ADAMTS2: variants seen among roughly 807,000 people sequenced by gnomAD.
The protein encoded by ADAMTS2 is ADAM metallopeptidase with thrombospondin type 1 motif 2.
ADAMTS2 carries 50 observed loss-of-function variants against 123.0 expected under a neutral mutation model. The observed-to-expected ratio is 0.41, with a 90% CI of 0.32 to 0.51. The LOEUF (loss-of-function observed/expected upper bound fraction) is 0.51, where lower values mean the gene tolerates loss of function less well. Ranked by LOEUF, ADAMTS2 falls within the 20% of genes least tolerant of loss-of-function variation. ADAMTS2 has a pLI of 0.35. For synonymous variants in ADAMTS2, 678 were observed against 695.4 expected (o/e 0.98, Z 0.39); for missense variants, 1,494 against 1,705.2 (o/e 0.88, Z 2.18).
chr5:179,192,673 G>C (rs532492155), intron 4 of ADAMTS2, among the ~76,000 whole-genome samples: 18 of 152,328 alleles, frequency 1.2e-4, no homozygotes, highest in Admixed American at 9.1e-4. Context: ...GGTCTTGCAG[G>C]CTGCAGCCAG....
intron 5 of ADAMTS2, among the ~76,000 whole-genome samples, chr5:179,166,042 T>C (rs1293332828): frequency 6.6e-6 from 1 of 152,140 alleles, no homozygotes; most frequent in African/African-American, 2.4e-5. Flanking sequence ...ACTGCAGACA[T>C]GGGCTCCCAA....
At position 179,256,259 on chromosome 5, in the gene ADAMTS2, G is replaced by A. The variant is rs1398421320; in HGVS notation, c.688+16652C>T. On this transcript the variant is annotated intron_variant, in intron 3 of 21. Coordinates refer to ENST00000251582, the MANE Select transcript of ADAMTS2 (RefSeq NM_014244.5). The surrounding 1 kb of genome is among the most constrained non-coding windows in gnomAD (Gnocchi z 4.1). ...GTCCCAAGTTGTCATCTTGTGACCC[G>A]CCCCTGGGGACACGGGTGCCCAACA... 5.3e-5 allele frequency among the ~76,000 whole-genome samples: 8 copies of A among 152,166 alleles called. No homozygotes were observed. In the East Asian group the frequency reaches 9.6e-4, roughly 18 times the overall value.
intron 17 of ADAMTS2, among the ~76,000 whole-genome samples, 167 bp downstream of exon 17, chr5:179,127,792 C>A (rs1232397801): frequency 6.6e-6 from 1 of 151,956 alleles, no homozygotes; most frequent in Non-Finnish European, 1.5e-5. Context: ...CCCCTTCCTG[C>A]CCACCCACCG....
At position 179,332,719 on chromosome 5, in the gene ADAMTS2, A is replaced by G. The variant is rs1757515027; in HGVS notation, c.534+11048T>C. 7.2e-6 allele frequency among the ~76,000 whole-genome samples: 1 copy of G among 137,934 alleles called. No homozygotes were observed. The highest frequency in any genetic ancestry group is 2.6e-4 in the East Asian group (1 of 3,876). 90.5% of individuals were successfully genotyped at this position (137,934 alleles called of 152,430 possible). A position where few individuals can be genotyped will look rare whatever the true frequency, so the allele number is the denominator to read the frequency against. ...AGGGCAGAGGGGAGGGAGGGAGGGG[A>G]TGGGAGAGGAAGGGAGGGAGGAGTG... On this transcript the variant is annotated intron_variant, in intron 2 of 21. Transcript: ENST00000251582. The surrounding 1 kb of genome is among the most constrained non-coding windows in gnomAD (Gnocchi z 4.2).
intron 3 of ADAMTS2, among the ~76,000 whole-genome samples, chr5:179,210,634 C>T (rs997185104): frequency 3.3e-5 from 5 of 152,230 alleles, no homozygotes; most frequent in African/African-American, 1.2e-4. Context: ...GTGACAGCCA[C>T]GCCCTGCGTC....
Position 179,256,246 on chromosome 5 carries a change from C to A in ADAMTS2, c.688+16665G>T, listed in dbSNP as rs887273237. On this transcript the variant is annotated intron_variant, in intron 3 of 21. Transcript: ENST00000251582. This position sits in a 1 kb window ranked among gnomAD's most constrained non-coding sequence, Gnocchi z 4.1. ...AGTAAGCCGCCAGGTCCCAAGTTGTCATCTTGTGACCCGCCCCTGGGGACA... is the reference window on the plus strand; with the variant it reads ...AGTAAGCCGCCAGGTCCCAAGTTGTAATCTTGTGACCCGCCCCTGGGGACA... 4.6e-5 allele frequency among the ~76,000 whole-genome samples: 7 copies of A among 152,196 alleles called. No individual in the cohort carries two copies. Among genetic ancestry groups the A allele is most frequent in the African/African-American group, 1.7e-4 (7 of 41,456 alleles).
At chr5:179,208,038 C>T (rs759432922) in intron 3 of ADAMTS2, among the ~76,000 whole-genome samples, 17 of 140,888 alleles carry the variant, frequency 1.2e-4, no homozygotes, top group Non-Finnish European at 2.0e-4. Context: ...GTGAGAGACC[C>T]AGCCCAGCAT....
chr5:179,287,392 C>G (rs1438885052), intron 2 of ADAMTS2, among the ~76,000 whole-genome samples: 1 of 152,178 alleles, frequency 6.6e-6, no homozygotes, highest in African/African-American at 2.4e-5. Context: ...GTGGACGGGC[C>G]TCAGGACCCC....
intron 3 of ADAMTS2, among the ~76,000 whole-genome samples, chr5:179,222,868 G>A (rs966814875): frequency 8.5e-5 from 13 of 152,164 alleles, no homozygotes; most frequent in African/African-American, 3.1e-4. Flanking sequence ...AGCTGCCTCC[G>A]AACCTCCAGC....
intron 2 of ADAMTS2, among the ~76,000 whole-genome samples, chr5:179,278,501 A>G (rs550150913): frequency 6.6e-6 from 1 of 152,232 alleles, no homozygotes; most frequent in South Asian, 2.1e-4. Flanking sequence ...CACTCAATAA[A>G]TATTAAAGAA....
chr5:179,149,423 G>A (rs1763309611), intron 10 of ADAMTS2, among the ~76,000 whole-genome samples: 2 of 152,226 alleles, frequency 1.3e-5, no homozygotes, highest in African/African-American at 4.8e-5. Context: ...ATTTCTGTTA[G>A]AGCAGCCGAA....
At chr5:179,298,854 C>T (rs879876458) in intron 2 of ADAMTS2, among the ~76,000 whole-genome samples, 1 of 152,168 alleles carries the variant, frequency 6.6e-6, no homozygotes, top group African/African-American at 2.4e-5. Flanking sequence ...GGAATCAACG[C>T]AAAGCTTAAT....
At chr5:179,167,239 C>G (rs1763719543) in intron 5 of ADAMTS2, among the ~76,000 whole-genome samples, 2 of 151,938 alleles carry the variant, frequency 1.3e-5, no homozygotes, top group East Asian at 2.0e-4. Flanking sequence ...CTGCCCCCCG[C>G]GCGGGGCGGG....
In ADAMTS2 at chr5:179,312,019, A is replaced by G. The variant is rs1173846069; in HGVS notation, c.534+31748T>C. ...GGGGCATGGGAACCCTGTGCCGCTA[A>G]GGGCATACTCTAGACCCTCTGCCCC... On this transcript the variant is annotated intron_variant, in intron 2 of 21. Transcript: ENST00000251582. This position sits in a 1 kb window ranked among gnomAD's most constrained non-coding sequence, Gnocchi z 4.2. Among the ~76,000 whole-genome samples the G allele has an allele frequency of 2.0e-5, 3 of 152,214 alleles. No individual in the cohort carries two copies. Among genetic ancestry groups the G allele is most frequent in the Admixed American group, 6.5e-5 (1 of 15,276 alleles).
chr5:179,208,557 G>A lies in ADAMTS2; in HGVS notation c.689-842C>T, dbSNP rs528052920. ...TCCTGGGGAGTCTGCCCCGGATATC[G>A]TCCCTGCCTTCTGTGCAGTGCTGTC... On this transcript the variant is annotated intron_variant, in intron 3 of 21. Coordinates refer to ENST00000251582, the MANE Select transcript of ADAMTS2 (RefSeq NM_014244.5). 1.7e-4 allele frequency among the ~76,000 whole-genome samples: 26 copies of A among 152,256 alleles called. No homozygotes were observed. In the South Asian group the frequency reaches 2.9e-3, roughly 17 times the overall value.
chr5:179,178,195 G>A (rs1763969915), intron 5 of ADAMTS2, among the ~76,000 whole-genome samples: 1 of 152,232 alleles, frequency 6.6e-6, no homozygotes, highest in Non-Finnish European at 1.5e-5. Context: ...GACCCGGCTT[G>A]GGGAAGGCCG....
At chr5:179,187,991 G>A (rs866181044) in intron 4 of ADAMTS2, among the ~76,000 whole-genome samples, 3 of 152,106 alleles carry the variant, frequency 2.0e-5, no homozygotes, top group Admixed American at 6.5e-5. Flanking sequence ...GGTGGCCTGC[G>A]GCTGCTGGGC....
chr5:179,268,774 C>T lies in ADAMTS2; in HGVS notation c.688+4137G>A, dbSNP rs1157333773. ...TGGGCTGTGCCTCTGGGCTATATGC[C>T]CTGGGGAGGCCTAAGTGAAGCCTAC... On this transcript the variant is annotated intron_variant, in intron 3 of 21. Transcript: ENST00000251582. Among the ~76,000 whole-genome samples, 6 of 152,176 alleles carry T rather than the reference C, an allele frequency of 3.9e-5. No individual in the cohort carries two copies. In the East Asian group the frequency reaches 1.2e-3, roughly 29 times the overall value.
rs888700495 is a variant in ADAMTS2, at chr5:179,225,271, C to G, written c.689-17556G>C. ...TTCCTTAATACATAAAGCGCTCTTA[C>G]AAATCAACAGGAAACAATCCAGCAA... On this transcript the variant is annotated intron_variant, in intron 3 of 21. Transcript: ENST00000251582. The surrounding 1 kb of genome is among the most constrained non-coding windows in gnomAD (Gnocchi z 4.5). 1.3e-5 allele frequency among the ~76,000 whole-genome samples: 2 copies of G among 152,180 alleles called. No individual in the cohort carries two copies. Among genetic ancestry groups the G allele is most frequent in the African/African-American group, 4.8e-5 (2 of 41,424 alleles).
Sources: allele counts gnomAD v4.1 joint callset (sites outside exome capture counted in the v4.1 genomes callset), GRCh38; gene constraint gnomAD v4.1.1; non-coding constraint Gnocchi (gnomAD v3.1); transcripts MANE v1.5; gene names NCBI Gene and HGNC (gene_info 2026-07-23, HGNC 2026-07-21).